Variants in TYMS observed in about 807,000 individuals in gnomAD.
The protein encoded by TYMS is thymidylate synthase.
TYMS carries 21 observed loss-of-function variants against 39.3 expected under a neutral mutation model. The observed-to-expected ratio is 0.54, with a 90% confidence interval of 0.38 to 0.77. TYMS has a LOEUF of 0.77. Ranked by LOEUF, TYMS falls within the 30% of genes least tolerant of loss-of-function variation. TYMS has a pLI of 0.00. For synonymous variants in TYMS, 171 were observed against 162.2 expected, an observed-to-expected ratio of 1.05 and a Z score of -0.41; for missense variants, 273 against 406.7, an observed-to-expected ratio of 0.67 and a Z score of 2.83.
At chr18:671,952 GTAT>G (rs2075078645) in intron 6 of TYMS, 1 of 160,852 alleles carries the variant, frequency 6.2e-6, no homozygotes, top group South Asian at 1.8e-4. Flanking sequence ...GCTAATTTTT[GTAT>G]TATTAGTAGA....
chr18:658,035 A>C lies in TYMS; in HGVS notation c.205+88A>C, dbSNP rs77400748. 28 of 1,542,760 alleles carry C rather than the reference A, an allele frequency of 1.8e-5. No homozygotes were observed. The highest frequency in any genetic ancestry group is 2.4e-5 in the Non-Finnish European group (28 of 1,146,080). On this transcript the variant is annotated intron_variant, in intron 1 of 6. Coordinates refer to ENST00000323274, the MANE Select transcript of TYMS (RefSeq NM_001071.4). The surrounding 1 kb of genome is among the most constrained non-coding windows in gnomAD (Gnocchi z 4.5). ...GCTCGGGAGCTGCCGGGCGCTGCGG[A>C]CCCCGTTTAGTCCTAACCTCAATCC...
Position 658,654 on chromosome 18 carries a change from G to A in TYMS, c.205+707G>A. ...GGGACAGTGGGGCGGGGCGGGGTGG[G>A]CACAGGACGTTAGGCAGCCGTTGGC... On this transcript the variant is annotated intron_variant, in intron 1 of 6. Transcript: ENST00000323274. The surrounding 1 kb of genome is among the most constrained non-coding windows in gnomAD (Gnocchi z 4.5). The A allele has an allele frequency of 4.0e-6, 1 of 247,076 alleles. No homozygotes were observed. Among genetic ancestry groups the A allele is most frequent in the South Asian group, 3.8e-5 (1 of 26,238 alleles). 15.3% of individuals were successfully genotyped at this position (247,076 alleles called of 1,614,324 possible). A position where few individuals can be genotyped will look rare whatever the true frequency, so the allele number is the denominator to read the frequency against.
intron 3 of TYMS, among the ~76,000 whole-genome samples, chr18:667,454 T>A (rs1469757660): frequency 1.6e-3 from 2 of 1,288 alleles, no homozygotes; most frequent in Non-Finnish European, 1.4e-3. Context: ...ATGGTGATGG[T>A]GATGATGGAG....
Position 660,619 on chromosome 18 carries a change from G to T in TYMS, c.279+905G>T, listed in dbSNP as rs1451272887. Among the ~76,000 whole-genome samples, 4 of 152,170 alleles carry T rather than the reference G, an allele frequency of 2.6e-5. No homozygotes were observed. The highest frequency in any genetic ancestry group is 9.7e-5 in the African/African-American group (4 of 41,448). On this transcript the variant is annotated intron_variant, in intron 2 of 6. Coordinates refer to ENST00000323274, the MANE Select transcript of TYMS (RefSeq NM_001071.4). The surrounding 1 kb of genome is among the most constrained non-coding windows in gnomAD (Gnocchi z 4.6). ...TGTTCCCATGTTCATATAAATTCTAGAAGAGTCTCTTCAGTAACAAGGTGA... is the reference window on the plus strand; with the variant it reads ...TGTTCCCATGTTCATATAAATTCTATAAGAGTCTCTTCAGTAACAAGGTGA...
rs1352879635 is a variant in TYMS, at chr18:662,594, A to G, written c.454+274A>G. On this transcript the variant is annotated intron_variant, in intron 3 of 6. Transcript: ENST00000323274. ...TTAGTTACATATGTATACATGTGCCATGCTGGTGCGCTGCACCCACTAACT... is the reference window on the plus strand; with the variant it reads ...TTAGTTACATATGTATACATGTGCCGTGCTGGTGCGCTGCACCCACTAACT... 6.7e-5 allele frequency among the ~76,000 whole-genome samples: 10 copies of G among 149,382 alleles called. No individual in the cohort carries two copies. The East Asian group carries it at 1.8e-3, about 27-fold the overall frequency.
In TYMS at chr18:671,365, C is replaced by T; in HGVS notation, c.733-15C>T. Reference sequence around the variant, plus strand: ...AAACTAACATACTGTTCTGCTTTCTCCCCCGGGTTTATAGCCAGGTGACTT... The same window carrying T: ...AAACTAACATACTGTTCTGCTTTCTTCCCCGGGTTTATAGCCAGGTGACTT... On this transcript the variant is annotated splice_polypyrimidine_tract_variant and intron_variant, in intron 5 of 6. Transcript: ENST00000323274. 1 of 1,572,346 alleles carries T rather than the reference C, an allele frequency of 6.4e-7. No individual in the cohort carries two copies. The highest frequency in any genetic ancestry group is 2.2e-5 in the East Asian group (1 of 44,692).
chr18:672,653 A>G, intron 6 of TYMS: 2 of 425,126 alleles, frequency 4.7e-6, no homozygotes, highest in Non-Finnish European at 8.2e-6. Context: ...AATGTCACAA[A>G]ATACCCCTCA....
rs938046291 is a variant in TYMS, at chr18:658,034, G to C, written c.205+87G>C. ...CGCTCGGGAGCTGCCGGGCGCTGCG[G>C]ACCCCGTTTAGTCCTAACCTCAATC... On this transcript the variant is annotated intron_variant, in intron 1 of 6. Transcript: ENST00000323274. This position sits in a 1 kb window ranked among gnomAD's most constrained non-coding sequence, Gnocchi z 4.5. 69 of 1,542,096 alleles carry C rather than the reference G, an allele frequency of 4.5e-5. No homozygotes were observed. Among genetic ancestry groups the C allele is most frequent in the Non-Finnish European group, 5.8e-5 (67 of 1,145,708 alleles).
At chr18:671,303 A>G (rs1567995479) in intron 5 of TYMS, 77 bp from the exon 6 acceptor site, 1 of 970,736 alleles carries the variant, frequency 1.0e-6, no homozygotes, top group Non-Finnish European at 1.7e-6. Flanking sequence ...CGGTGTCTGC[A>G]TATTCTAATG....
At chr18:668,967 A>C (rs2074921060) in intron 3 of TYMS, 105 bp from the exon 4 acceptor site, 1 of 926,156 alleles carries the variant, frequency 1.1e-6, no homozygotes, top group Admixed American at 2.2e-5. Context: ...CCATGGGTCA[A>C]GGGGGGACCC....
At chr18:667,071 T>A (rs867337707) in intron 3 of TYMS, among the ~76,000 whole-genome samples, 1 of 49,668 alleles carries the variant, frequency 2.0e-5, no homozygotes, top group African/African-American at 1.7e-4. Flanking sequence ...ATGGTGATGG[T>A]GATGGAGATG....
intron 3 of TYMS, among the ~76,000 whole-genome samples, chr18:666,921 A>ATGGTGATGGT (rs2074832063): frequency 6.0e-5 from 2 of 33,482 alleles, no homozygotes; most frequent in Non-Finnish European, 5.9e-5. Context: ...ATGGTGATGG[A>ATGGTGATGGT]GATGGTGATG....
Position 666,070 on chromosome 18 carries a change from T to C in TYMS, c.455-3002T>C, listed in dbSNP as rs1315774071. On this transcript the variant is annotated intron_variant, in intron 3 of 6. Transcript: ENST00000323274. ...GCTGAGTTCAATTCCTGGGTATCCT[T>C]GTTAACTTTCTGTCTCGTTGATCTG... Among the ~76,000 whole-genome samples the C allele has an allele frequency of 6.1e-5, 6 of 98,908 alleles. 2 individuals carry two copies. The East Asian group carries it at 2.3e-3, about 38-fold the overall frequency. The allele number at this position is 98,908 out of a possible 152,430, so 64.9% of individuals were successfully genotyped here.
Position 658,964 on chromosome 18 carries a change from G to A in TYMS, c.206-677G>A, listed in dbSNP as rs1347402530. On this transcript the variant is annotated intron_variant, in intron 1 of 6. Coordinates refer to ENST00000323274, the MANE Select transcript of TYMS (RefSeq NM_001071.4). The surrounding 1 kb of genome is among the most constrained non-coding windows in gnomAD (Gnocchi z 4.5). ...TGGGACAGCGTGGGGAGTTTTGTCT[G>A]AGGAGAGGGATCCACTTTTCTGCAG... 6.6e-6 allele frequency among the ~76,000 whole-genome samples: 1 copy of A among 152,222 alleles called. No homozygotes were observed. Among genetic ancestry groups the A allele is most frequent in the Non-Finnish European group, 1.5e-5 (1 of 68,038 alleles).
intron 5 of TYMS, 116 bp from the exon 6 acceptor site, chr18:671,264 A>G (rs1278560910): frequency 1.3e-6 from 1 of 776,868 alleles, no homozygotes; most frequent in Non-Finnish European, 2.2e-6. Flanking sequence ...GAAAAGCTAC[A>G]CTAAATTATT....
Position 670,787 on chromosome 18 carries a change from G to A in TYMS, c.652G>A (p.Asp218Asn). The A allele has an allele frequency of 1.2e-6, 2 of 1,614,158 alleles. No individual in the cohort carries two copies. Among genetic ancestry groups the A allele is most frequent in the Non-Finnish European group, 1.7e-6 (2 of 1,180,034 alleles). ...CTGCCAGCTGTACCAGAGATCGGGA[G>A]ACATGGGCCTCGGTGTGCCTTTCAA... ...LSCQLYQRSG[D>N]MGLGVPFNIA... The change falls in exon 5 of 7, where the codon GAC (aspartate) becomes AAC (asparagine). Residue 218 changes from aspartate (D) to asparagine (N), a missense_variant. Physicochemically the swap from Asp to Asn is conservative, Grantham distance 23. This residue lies in a region of TYMS where 228 missense variants were observed against 326.1 expected (regional missense o/e 0.70). Transcript: ENST00000323274.
chr18:673,191 TTTGAG>T lies in TYMS; in HGVS notation c.*197_*201del, dbSNP rs2075147278. The T allele has an allele frequency of 2.0e-6, 1 of 508,520 alleles. No individual in the cohort carries two copies. The highest frequency in any genetic ancestry group is 3.3e-6 in the Non-Finnish European group (1 of 307,028). The allele number at this position is 508,520 out of a possible 1,614,324, so 31.5% of individuals were successfully genotyped here. ...GCCAGTTCTTTCCATAATAAAAGGCTTTGAGTTAACTCACTGAGGGTATCTGACAA... is the reference window on the plus strand; with the variant it reads ...GCCAGTTCTTTCCATAATAAAAGGCTTTAACTCACTGAGGGTATCTGACAA... On this transcript the variant is annotated 3_prime_UTR_variant, in exon 7 of 7. Coordinates refer to ENST00000323274, the MANE Select transcript of TYMS (RefSeq NM_001071.4).
In TYMS at chr18:659,900, C is replaced by T. The variant is rs577182872; in HGVS notation, c.279+186C>T. Among the ~76,000 whole-genome samples, 643 of 152,252 alleles carry T rather than the reference C, an allele frequency of 4.2e-3. 6 individuals are homozygous for T. Among genetic ancestry groups the T allele is most frequent in the African/African-American group, 0.015 (604 of 41,538 alleles). Reference sequence around the variant, plus strand: ...CAGCCTGGCCAACATGGCGACACCCCAGTCTCTACTAATAACACAAAAAAT... The same window carrying T: ...CAGCCTGGCCAACATGGCGACACCCTAGTCTCTACTAATAACACAAAAAAT... On this transcript the variant is annotated intron_variant, in intron 2 of 6. Coordinates refer to ENST00000323274, the MANE Select transcript of TYMS (RefSeq NM_001071.4).
In TYMS at chr18:658,205, G is replaced by A. The variant is rs757583882; in HGVS notation, c.205+258G>A. 3.3e-6 allele frequency: 5 copies of A among 1,527,562 alleles called. No individual in the cohort carries two copies. The South Asian group carries it at 3.6e-5, about 11-fold the overall frequency. The allele number at this position is 1,527,562 out of a possible 1,614,324, so 94.6% of individuals were successfully genotyped here. On this transcript the variant is annotated intron_variant, in intron 1 of 6. Coordinates refer to ENST00000323274, the MANE Select transcript of TYMS (RefSeq NM_001071.4). The surrounding 1 kb of genome is among the most constrained non-coding windows in gnomAD (Gnocchi z 4.5). ...TCCCAGCGGCTCCGCGGCCGGGCTC[G>A]CAGTCGCCCCAGTGATGCCGTGGCC...
Sources: allele counts gnomAD v4.1 joint callset (sites outside exome capture counted in the v4.1 genomes callset), GRCh38; gene constraint gnomAD v4.1.1; regional missense constraint gnomAD v4.1.1; non-coding constraint Gnocchi (gnomAD v3.1); transcripts MANE v1.5; gene names NCBI Gene and HGNC (gene_info 2026-07-23, HGNC 2026-07-21).